The following IKZF3 variants were observed in gnomAD, a reference collection of about 807,000 sequenced individuals.
IKZF3 encodes the protein zinc finger protein Aiolos.
IKZF3 carries 10 observed loss-of-function variants against 49.0 expected under a neutral mutation model. The observed-to-expected ratio is 0.20, with a 90% CI of 0.13 to 0.35. The LOEUF (loss-of-function observed/expected upper bound fraction) is 0.35. Among genes scored for constraint, IKZF3 ranks in the 10% least tolerant of loss-of-function variants. IKZF3 has a pLI of 1.00. For missense variants in IKZF3, 498 were observed against 664.8 expected, an observed-to-expected ratio of 0.75 and a Z score of 2.76; for synonymous variants, 209 against 228.2, an observed-to-expected ratio of 0.92 and a Z score of 0.76.
intron 1 of IKZF3, among the ~76,000 whole-genome samples, chr17:39,858,282 G>C (rs1051913375): frequency 3.9e-5 from 6 of 152,044 alleles, no homozygotes; most frequent in African/African-American, 1.4e-4. Flanking sequence ...AACATAGCAA[G>C]ACTATGTCTC....
Position 39,766,223 on chromosome 17 carries a change from A to C in IKZF3, c.1097T>G (p.Leu366Arg). ...PQELEKKSIH[L>R]PEKSVPSERG... ...CTCAGAAGGCACGCTCTTCTCTGGA[A>C]GGTGGATGCTTTTCTTTTCCAGCTC... is the stretch of plus-strand genomic sequence containing the variant. The change falls in exon 8 of 8, where the codon CTT (leucine) becomes CGT (arginine). Residue 366 changes from leucine to arginine, a missense_variant. Around this residue, in one of 3 missense-constraint regions of IKZF3, gnomAD observed 317 missense variants for 397.3 expected, o/e 0.80. Transcript: ENST00000346872. 6.2e-7 allele frequency: 1 copy of C among 1,614,178 alleles called. No individual in the cohort carries two copies. Among genetic ancestry groups the C allele is most frequent in the Non-Finnish European group, 8.5e-7 (1 of 1,180,038 alleles).
rs553484387 is a variant in IKZF3, at chr17:39,833,077, A to G, written c.8-926T>C. 3.3e-5 allele frequency among the ~76,000 whole-genome samples: 5 copies of G among 152,318 alleles called. No homozygotes were observed. The East Asian group carries it at 9.6e-4, about 29-fold the overall frequency. On this transcript the variant is annotated intron_variant, in intron 1 of 7. Coordinates refer to ENST00000346872, the MANE Select transcript of IKZF3 (RefSeq NM_012481.5). ...CATTACTCACCCTCTGGATTCTACA[A>G]TTAACATTTTGCTATTTTTGCTTTC...
At position 39,813,553 on chromosome 17, in the gene IKZF3, A is replaced by G. The variant is rs540441620; in HGVS notation, c.163+15834T>C. Among the ~76,000 whole-genome samples, 13 of 151,816 alleles carry G rather than the reference A, an allele frequency of 8.6e-5. 1 individual carries two copies. The South Asian group carries it at 2.7e-3, about 32-fold the overall frequency. On this transcript the variant is annotated intron_variant, in intron 3 of 7. Coordinates refer to ENST00000346872, the MANE Select transcript of IKZF3 (RefSeq NM_012481.5). The stretch of plus-strand genomic sequence containing the variant: ...CAGCTACTCTGGAGTCTCGGGTGGG[A>G]GGATCACTTGAGCCTGGGAGGTTGG...
At chr17:39,771,347 G>C (rs1444914673) in intron 7 of IKZF3, among the ~76,000 whole-genome samples, 1 of 152,238 alleles carries the variant, frequency 6.6e-6, no homozygotes, top group Admixed American at 6.5e-5. Flanking sequence ...TGCCAGGCAT[G>C]TGTAAGCACT....
chr17:39,793,214 A>C (rs2061073804), intron 3 of IKZF3, among the ~76,000 whole-genome samples: 1 of 152,250 alleles, frequency 6.6e-6, no homozygotes, highest in Non-Finnish European at 1.5e-5. Flanking sequence ...AAGTTTGCTC[A>C]AAGTGGCCAT....
Position 39,761,906 on chromosome 17 carries a change from T to C in IKZF3, c.*3884A>G, listed in dbSNP as rs2060193368. The C allele has an allele frequency of 6.6e-6, 1 of 152,378 alleles. No individual in the cohort carries two copies. The allele number at this position is 152,378 out of a possible 1,614,324, so 9.4% of individuals were successfully genotyped here. A position where few individuals can be genotyped will look rare whatever the true frequency, so the allele number is the denominator to read the frequency against. On this transcript the variant is annotated 3_prime_UTR_variant, in exon 8 of 8. Transcript: ENST00000346872. ...TTTAGTAGAGATGGGGGTTTCTCCA[T>C]GTTGGTCAGGCAGGTCTCGAACTCC... is the stretch of plus-strand genomic sequence containing the variant.
At chr17:39,861,939 A>C (rs2063225281) in intron 1 of IKZF3, among the ~76,000 whole-genome samples, 1 of 152,212 alleles carries the variant, frequency 6.6e-6, no homozygotes, top group Admixed American at 6.5e-5. Flanking sequence ...AATATTGTTA[A>C]AAATAAAAAT....
chr17:39,832,163 G>C lies in IKZF3; in HGVS notation c.8-12C>G, dbSNP rs372599444. The C allele has an allele frequency of 3.7e-6, 6 of 1,605,584 alleles. No individual in the cohort carries two copies. Among genetic ancestry groups the C allele is most frequent in the Non-Finnish European group, 5.1e-6 (6 of 1,172,572 alleles). On this transcript the variant is annotated splice_polypyrimidine_tract_variant and intron_variant, in intron 1 of 7. Transcript: ENST00000346872. ...ATTTGTTTGTATATCTGAAAAGAAAGAGGTTATAAATATTAGCTACTTAGG... is the reference window on the plus strand; with the variant it reads ...ATTTGTTTGTATATCTGAAAAGAAACAGGTTATAAATATTAGCTACTTAGG...
At position 39,765,278 on chromosome 17, in the gene IKZF3, T is replaced by C. The variant is rs2060262363; in HGVS notation, c.*512A>G. ...CAGTTACTCGTAACAGATACTTATT[T>C]TATGGCTGTTCTTTTACTTACTCTT... On this transcript the variant is annotated 3_prime_UTR_variant, in exon 8 of 8. Coordinates refer to ENST00000346872, the MANE Select transcript of IKZF3 (RefSeq NM_012481.5). The C allele has an allele frequency of 6.6e-6, 1 of 152,580 alleles. No individual in the cohort carries two copies. Among genetic ancestry groups the C allele is most frequent in the African/African-American group, 2.4e-5 (1 of 41,440 alleles). 9.5% of individuals were successfully genotyped at this position (152,580 alleles called of 1,614,324 possible). A position where few individuals can be genotyped will look rare whatever the true frequency, so the allele number is the denominator to read the frequency against.
rs536168856 is a variant in IKZF3 at position 39,819,707 on chromosome 17, T to C, written c.163+9680A>G. On this transcript the variant is annotated intron_variant, in intron 3 of 7. Coordinates refer to ENST00000346872, the MANE Select transcript of IKZF3 (RefSeq NM_012481.5). ...TTTCTTGAAAAGGAGTCTCACTCTA[T>C]TGTCCAGGCTGGAGTGCAGTGGTGC... is the stretch of plus-strand genomic sequence containing the variant. 3.9e-5 allele frequency among the ~76,000 whole-genome samples: 6 copies of C among 152,344 alleles called. No individual in the cohort carries two copies. In the South Asian group the frequency reaches 1.2e-3, roughly 32 times the overall value.
chr17:39,793,992 T>C (rs1176833891), intron 3 of IKZF3, among the ~76,000 whole-genome samples: 2 of 152,260 alleles, frequency 1.3e-5, no homozygotes, highest in East Asian at 3.8e-4. Flanking sequence ...AAATATGCTA[T>C]ATAAATGCTT....
chr17:39,850,145 T>A (rs1342181375), intron 1 of IKZF3, among the ~76,000 whole-genome samples: 1 of 142,682 alleles, frequency 7.0e-6, no homozygotes, highest in Non-Finnish European at 1.5e-5. Context: ...TATAGCATAT[T>A]ATATATGTAT....
At chr17:39,786,306 C>T (rs187278202) in intron 6 of IKZF3, among the ~76,000 whole-genome samples, 2 of 152,220 alleles carry the variant, frequency 1.3e-5, no homozygotes, top group East Asian at 1.9e-4. Flanking sequence ...GAATTTTGGG[C>T]GAGTCTCAGT....
intron 1 of IKZF3, among the ~76,000 whole-genome samples, chr17:39,860,251 A>T (rs1197565833): frequency 7.7e-6 from 1 of 129,994 alleles, no homozygotes; most frequent in African/African-American, 3.2e-5. Flanking sequence ...AAATAATAAT[A>T]AAAAAAAAAA....
intron 3 of IKZF3, among the ~76,000 whole-genome samples, chr17:39,799,889 A>G (rs969258439): frequency 6.6e-6 from 1 of 152,184 alleles, no homozygotes; most frequent in African/African-American, 2.4e-5. Flanking sequence ...TCTGCTTTAT[A>G]TTTAGTATGA....
At chr17:39,826,383 G>A (rs1156947855) in intron 3 of IKZF3, among the ~76,000 whole-genome samples, 2 of 152,178 alleles carry the variant, frequency 1.3e-5, no homozygotes, top group East Asian at 3.9e-4. Flanking sequence ...CATCCTGTTT[G>A]GAACACCACA....
chr17:39,809,647 CAG>C (rs1222829919), intron 3 of IKZF3, among the ~76,000 whole-genome samples: 1 of 152,218 alleles, frequency 6.6e-6, no homozygotes, highest in Admixed American at 6.5e-5. Flanking sequence ...ACACAACTGT[CAG>C]GGGCAGATGA....
rs531075571 is a variant in IKZF3, at chr17:39,849,472, A to C, written c.7+14648T>G. Among the ~76,000 whole-genome samples, 9 of 152,308 alleles carry C rather than the reference A, an allele frequency of 5.9e-5. No homozygotes were observed. In the South Asian group the frequency reaches 1.7e-3, roughly 28 times the overall value. ...TCAGGAGTTTGAGACCAGCCTGGCC[A>C]ACATGGTGAAACTCCACCTCTACTA... is the stretch of plus-strand genomic sequence containing the variant. On this transcript the variant is annotated intron_variant, in intron 1 of 7. Coordinates refer to ENST00000346872, the MANE Select transcript of IKZF3 (RefSeq NM_012481.5).
chr17:39,780,726 C>T (rs944774737), intron 6 of IKZF3, among the ~76,000 whole-genome samples: 1 of 151,994 alleles, frequency 6.6e-6, no homozygotes, highest in African/African-American at 2.4e-5. Context: ...GTGGCACTAG[C>T]CCATAGTCCC....
Sources: allele counts gnomAD v4.1 joint callset (sites outside exome capture counted in the v4.1 genomes callset), GRCh38; gene constraint gnomAD v4.1.1; regional missense constraint gnomAD v4.1.1; transcripts MANE v1.5; gene names NCBI Gene and HGNC (gene_info 2026-07-23, HGNC 2026-07-21).